The following SLC24A2 variants were observed in gnomAD, a reference collection of about 807,000 sequenced individuals.
SLC24A2 encodes sodium/potassium/calcium exchanger 2.
A neutral mutation model predicts 62.0 loss-of-function variants in SLC24A2; 36 were observed. That is an observed-to-expected ratio of 0.58 (90% CI 0.44 to 0.77). SLC24A2 has a LOEUF of 0.77. Among genes scored for constraint, SLC24A2 ranks in the 30% least tolerant of loss-of-function variants. The pLI, the probability that SLC24A2 is intolerant of heterozygous loss-of-function variation, is 0.00. For missense variants in SLC24A2, 846 were observed against 817.9 expected (o/e 1.03, Z -0.42); for synonymous variants, 358 against 294.0 (o/e 1.22, Z -2.23).
At chr9:19,997,299 G>T in the SLC24A2 span, among the ~76,000 whole-genome samples, 1 of 152,262 alleles carries the variant, frequency 6.6e-6, no homozygotes, top group South Asian at 2.1e-4. Flanking sequence ...GAGAAAGAGA[G>T]AAATTAGAAT....
chr9:19,644,746 T>C (rs946571946), intron 2 of SLC24A2, among the ~76,000 whole-genome samples: 1 of 152,154 alleles, frequency 6.6e-6, no homozygotes, highest in Non-Finnish European at 1.5e-5. Context: ...TTTAAAAACA[T>C]GACATTTTTC....
the SLC24A2 span, among the ~76,000 whole-genome samples, chr9:19,831,664 A>C: frequency 2.6e-5 from 4 of 152,224 alleles, no homozygotes; most frequent in Non-Finnish European, 4.4e-5. Context: ...CATTGTCTTT[A>C]AAATTATTCA....
chr9:20,182,395 T>A, the SLC24A2 span, among the ~76,000 whole-genome samples: 1 of 152,194 alleles, frequency 6.6e-6, no homozygotes, highest in East Asian at 1.9e-4. Context: ...TAAATGTCCA[T>A]CAATGATAGA....
chr9:20,259,647 A>G, the SLC24A2 span, among the ~76,000 whole-genome samples: 1 of 152,078 alleles, frequency 6.6e-6, no homozygotes. Flanking sequence ...TGAGATCCAA[A>G]TAGTCCCCAG....
chr9:19,737,910 CA>C (rs1373539385), intron 2 of SLC24A2, among the ~76,000 whole-genome samples: 2 of 152,036 alleles, frequency 1.3e-5, no homozygotes, highest in African/African-American at 4.8e-5. Context: ...TGAAGCTTCA[CA>C]AATGTTAGGT....
the SLC24A2 span, among the ~76,000 whole-genome samples, chr9:20,284,281 ATTT>A: frequency 6.7e-6 from 1 of 149,202 alleles, no homozygotes; most frequent in African/African-American, 2.5e-5. Flanking sequence ...GTTTTCAGGT[ATTT>A]TTTTTTTTAA....
At position 19,786,676 on chromosome 9, in the gene SLC24A2, G is replaced by A; in HGVS notation, c.191C>T (p.Thr64Ile). Residue 64 changes from threonine (T) to isoleucine (I), a missense_variant, in exon 2 of 11, where the codon ACA (threonine) becomes ATA (isoleucine). Transcript: ENST00000341998. This position sits in a 1 kb window ranked among gnomAD's most constrained non-coding sequence, Gnocchi z 5.0. ...FSISAFSETD[T>I]QSTGEASVVS... Reference sequence around the variant, plus strand: ...AACACTGGCCTCTCCTGTGCTCTGTGTATCTGTCTCAGAAAAGGCACTGAT... The same window carrying A: ...AACACTGGCCTCTCCTGTGCTCTGTATATCTGTCTCAGAAAAGGCACTGAT... The A allele has an allele frequency of 6.2e-7, 1 of 1,613,692 alleles. No individual in the cohort carries two copies. The highest frequency in any genetic ancestry group is 8.5e-7 in the Non-Finnish European group (1 of 1,179,744).
At chr9:19,761,943 C>T (rs888483224) in intron 2 of SLC24A2, among the ~76,000 whole-genome samples, 14 of 152,088 alleles carry the variant, frequency 9.2e-5, no homozygotes, top group Non-Finnish European at 1.6e-4. Context: ...AATAAACATA[C>T]GTGTGCATGT....
chr9:19,883,863 C>T, the SLC24A2 span, among the ~76,000 whole-genome samples: 4 of 152,226 alleles, frequency 2.6e-5, no homozygotes, highest in African/African-American at 4.8e-5. Flanking sequence ...AAGGCTCCTC[C>T]GACTCTATCA....
the SLC24A2 span, among the ~76,000 whole-genome samples, chr9:20,278,415 T>G: frequency 8.5e-5 from 13 of 152,174 alleles, no homozygotes; most frequent in Admixed American, 5.9e-4. Context: ...ACATCTTGAA[T>G]GCTTTGCTTC....
chr9:19,685,110 C>A (rs1226291923), intron 2 of SLC24A2, among the ~76,000 whole-genome samples: 3 of 151,992 alleles, frequency 2.0e-5, no homozygotes, highest in African/African-American at 7.2e-5. Flanking sequence ...TTTCTAAACA[C>A]CAACAATGTC....
chr9:19,968,414 A>G, the SLC24A2 span, among the ~76,000 whole-genome samples: 5 of 152,234 alleles, frequency 3.3e-5, no homozygotes, highest in Admixed American at 2.6e-4. Context: ...GGCTAACAAG[A>G]TAGATACAAA....
the SLC24A2 span, among the ~76,000 whole-genome samples, chr9:20,185,657 T>C: frequency 2.3e-5 from 3 of 132,072 alleles, no homozygotes; most frequent in Admixed American, 8.1e-5. Flanking sequence ...AGAGCGAGAC[T>C]CCATCTCAAA....
intron 2 of SLC24A2, among the ~76,000 whole-genome samples, chr9:19,642,530 G>A (rs890053632): frequency 3.9e-5 from 6 of 152,108 alleles, no homozygotes; most frequent in African/African-American, 1.4e-4. Context: ...ACTCCTCTGA[G>A]AACCAAGTTC....
intron 7 of SLC24A2, among the ~76,000 whole-genome samples, chr9:19,559,047 A>C (rs1472672164): frequency 6.6e-6 from 1 of 152,228 alleles, no homozygotes; most frequent in Non-Finnish European, 1.5e-5. Context: ...TTCTTTTACA[A>C]CATGGTTGTT....
the SLC24A2 span, among the ~76,000 whole-genome samples, chr9:20,279,463 G>C: frequency 3.8e-4 from 58 of 152,282 alleles, no homozygotes; most frequent in South Asian, 2.7e-3. Context: ...CCCAGGAGGC[G>C]GAGGATGCAG....
the SLC24A2 span, among the ~76,000 whole-genome samples, chr9:19,935,656 G>C: frequency 6.6e-6 from 1 of 152,202 alleles, no homozygotes; most frequent in African/African-American, 2.4e-5. Context: ...AATGGCATAG[G>C]AGGGTAGGTT....
chr9:19,738,099 G>A (rs1441741130), intron 2 of SLC24A2, among the ~76,000 whole-genome samples: 3 of 152,136 alleles, frequency 2.0e-5, no homozygotes, highest in African/African-American at 7.2e-5. Context: ...CAGACCTACT[G>A]GGAGTCAATA....
intron 2 of SLC24A2, among the ~76,000 whole-genome samples, chr9:19,675,539 C>G (rs968006773): frequency 6.6e-6 from 1 of 152,050 alleles, no homozygotes; most frequent in Non-Finnish European, 1.5e-5. Flanking sequence ...TGTGCTGTTG[C>G]AGAGGATGAG....
Sources: gnomAD v4.1 joint callset for allele counts (sites outside exome capture counted in the v4.1 genomes callset) on GRCh38, gnomAD v4.1.1 for gene constraint, Gnocchi (gnomAD v3.1) non-coding constraint, MANE v1.5 for transcripts, NCBI Gene and HGNC (gene_info 2026-07-23, HGNC 2026-07-21) for gene names.